Variants in RARS2 observed in about 807,000 individuals in gnomAD.
The protein encoded by RARS2 is arginyl-tRNA synthetase 2, mitochondrial, also known as probable arginine--tRNA ligase, mitochondrial.
In RARS2, 67 loss-of-function variants were observed where a neutral mutation model predicts 88.5. The observed-to-expected ratio is 0.76, with a 90% confidence interval of 0.62 to 0.93. The LOEUF (loss-of-function observed/expected upper bound fraction) is 0.93. Ranked by LOEUF, RARS2 falls within the 40% of genes least tolerant of loss-of-function variation. RARS2 has a pLI of 0.00. For synonymous variants in RARS2, 239 were observed against 230.3 expected (o/e 1.04, Z -0.34); for missense variants, 664 against 684.2 (o/e 0.97, Z 0.33).
intron 18 of RARS2, 142 bp downstream of exon 18, chr6:87,516,664 A>C (rs982003021): frequency 8.2e-7 from 1 of 1,212,526 alleles, no homozygotes. Context: ...ATTAACTGCT[A>C]ATTTGTATAG....
chr6:87,549,220 G>A (rs1461499220), intron 5 of RARS2, among the ~76,000 whole-genome samples: 3 of 151,936 alleles, frequency 2.0e-5, no homozygotes, highest in Non-Finnish European at 4.4e-5. Flanking sequence ...GCGAGGTGTG[G>A]TGGTGTATGC....
chr6:87,564,766 C>T (rs866601616), intron 2 of RARS2: 19 of 187,658 alleles, frequency 1.0e-4, no homozygotes, highest in Admixed American at 3.5e-4. Context: ...TTTTTCTTAT[C>T]ATCTTATAAA....
intron 1 of RARS2, among the ~76,000 whole-genome samples, chr6:87,576,338 G>A (rs1356665979): frequency 1.0e-5 from 1 of 95,316 alleles, no homozygotes; most frequent in Non-Finnish European, 2.1e-5. Flanking sequence ...GTGCAGTGGC[G>A]CGATCTCGGC....
At chr6:87,543,333 A>C (rs1308211522) in intron 7 of RARS2, among the ~76,000 whole-genome samples, 1 of 151,064 alleles carries the variant, frequency 6.6e-6, no homozygotes, top group Non-Finnish European at 1.5e-5. Flanking sequence ...AACAAAAACA[A>C]AAGCAAAAAA....
At chr6:87,578,831 G>T (rs1259581696) in intron 1 of RARS2, among the ~76,000 whole-genome samples, 1 of 151,750 alleles carries the variant, frequency 6.6e-6, no homozygotes, top group Non-Finnish European at 1.5e-5. Flanking sequence ...GTGGTGGCTG[G>T]TGCCTGTAGT....
chr6:87,529,983 G>A (rs1221170374), intron 9 of RARS2, among the ~76,000 whole-genome samples: 1 of 151,954 alleles, frequency 6.6e-6, no homozygotes, highest in Non-Finnish European at 1.5e-5. Context: ...GTACTGTGCT[G>A]TGCAATACAG....
chr6:87,528,337 G>A (rs1314462075), intron 10 of RARS2, among the ~76,000 whole-genome samples: 1 of 151,460 alleles, frequency 6.6e-6, no homozygotes, highest in African/African-American at 2.4e-5. Flanking sequence ...AGCCATTATG[G>A]AAAACAATGT....
chr6:87,541,733 A>G (rs894566683), intron 8 of RARS2, among the ~76,000 whole-genome samples, 185 bp downstream of exon 8: 18 of 152,172 alleles, frequency 1.2e-4, no homozygotes, highest in Non-Finnish European at 2.2e-4. Flanking sequence ...CTGAGGCATG[A>G]GAATTGCTTG....
At chr6:87,519,474 G>C in intron 14 of RARS2, 109 bp downstream of exon 14, 1 of 1,255,038 alleles carries the variant, frequency 8.0e-7, no homozygotes, top group Non-Finnish European at 1.2e-6. Context: ...GACAAAGTTA[G>C]TGACACTTCA....
At chr6:87,533,311 G>A (rs62417666) in intron 8 of RARS2, among the ~76,000 whole-genome samples, 9,394 of 151,896 alleles carry the variant, frequency 0.062, 349 homozygotes, top group African/African-American at 0.11. Context: ...TAGTATTTCC[G>A]CAATATGTAC....
At chr6:87,570,810 C>T (rs1267627533) in intron 1 of RARS2, among the ~76,000 whole-genome samples, 1 of 152,188 alleles carries the variant, frequency 6.6e-6, no homozygotes, top group Non-Finnish European at 1.5e-5. Flanking sequence ...ACCTCCGCCC[C>T]TCAAAGTGCT....
In RARS2 at chr6:87,516,833, T is replaced by C; in HGVS notation, c.1559A>G (p.His520Arg). 3 of 1,613,904 alleles carry C rather than the reference T, an allele frequency of 1.9e-6. No individual in the cohort carries two copies. The highest frequency in any genetic ancestry group is 1.3e-5 in the African/African-American group (1 of 75,040). ...YKSSQDFQPR[H>R]IVSYLLTLSH... The stretch of plus-strand genomic sequence containing the variant: ...TAAAGTTAGAAGGTAACTGACGATA[T>C]GCCTGGGTTGAAAGTCCTGAGATGA... The change falls in exon 18 of 20, where the codon CAT becomes CGT. Residue 520 changes from histidine (H) to arginine (R), a missense_variant. Transcript: ENST00000369536.
chr6:87,522,615 T>C (rs561615383), intron 11 of RARS2, among the ~76,000 whole-genome samples: 3 of 152,156 alleles, frequency 2.0e-5, no homozygotes, highest in Non-Finnish European at 1.5e-5. Flanking sequence ...GATCCTGACA[T>C]TGCACAGAGC....
chr6:87,551,079 T>C (rs1364837090), intron 5 of RARS2, among the ~76,000 whole-genome samples: 3 of 152,178 alleles, frequency 2.0e-5, no homozygotes, highest in Non-Finnish European at 4.4e-5. Context: ...GCTTTCCATT[T>C]TCCCTCCGGT....
Position 87,524,570 on chromosome 6 carries a change from G to C in RARS2, c.961C>G (p.Leu321Val). The change falls in exon 11 of 20, where the codon CTC becomes GTC. Residue 321 changes from leucine (L) to valine (V), a missense_variant. Leu to Val is a conservative substitution (Grantham distance 32). Transcript: ENST00000369536. ...GAGGCTACAAACCTGGTTGCATAGA[G>C]AGAAGTCCCATCACTTCGCATTACA... ...CTVMRSDGTS[L>V]YATRDLAAAI... 6.2e-7 allele frequency: 1 copy of C among 1,610,734 alleles called. No individual in the cohort carries two copies. The highest frequency in any genetic ancestry group is 8.5e-7 in the Non-Finnish European group (1 of 1,176,996).
At chr6:87,579,967 T>C (rs1043541646) in intron 1 of RARS2, among the ~76,000 whole-genome samples, 18 of 151,946 alleles carry the variant, frequency 1.2e-4, no homozygotes, top group African/African-American at 3.1e-4. Context: ...TCTTGATCTC[T>C]TGACCTCGTG....
At chr6:87,548,689 G>C (rs779069151) in intron 5 of RARS2, 43 bp from the exon 6 acceptor site, 1 of 1,562,756 alleles carries the variant, frequency 6.4e-7, no homozygotes, top group South Asian at 1.1e-5. Context: ...TAAGACTTAA[G>C]ACTTCTAAGA....
intron 6 of RARS2, among the ~76,000 whole-genome samples, chr6:87,548,105 T>G (rs932133043): frequency 6.6e-6 from 1 of 152,132 alleles, no homozygotes; most frequent in Non-Finnish European, 1.5e-5. Flanking sequence ...TAGCCAGGCA[T>G]GGTGGCGCAC....
chr6:87,554,232 G>A (rs1785132611), intron 5 of RARS2, among the ~76,000 whole-genome samples: 1 of 152,044 alleles, frequency 6.6e-6, no homozygotes, highest in South Asian at 2.1e-4. Flanking sequence ...ATTTCCTAGG[G>A]TTGTCAATCT....
Sources: gnomAD v4.1 joint callset for allele counts (sites outside exome capture counted in the v4.1 genomes callset) on GRCh38, gnomAD v4.1.1 for gene constraint, MANE v1.5 for transcripts, NCBI Gene and HGNC (gene_info 2026-07-23, HGNC 2026-07-21) for gene names.